CMIP: variants seen among roughly 807,000 people sequenced by gnomAD.
CMIP encodes the protein C-Maf-inducing protein.
In CMIP, 13 loss-of-function variants were observed where a neutral mutation model predicts 97.3. That is an observed-to-expected ratio of 0.13 (90% CI 0.09 to 0.21). The LOEUF (loss-of-function observed/expected upper bound fraction) is 0.21, where lower values mean the gene tolerates loss of function less well. Among genes scored for constraint, CMIP ranks in the 10% least tolerant of loss-of-function variants. The probability of loss-of-function intolerance (pLI) is 1.00; values close to 1 mark genes in which losing one functional copy is unlikely to be tolerated. For synonymous variants in CMIP, 538 were observed against 436.3 expected (o/e 1.23, Z -2.91); for missense variants, 847 against 1,024.9 (o/e 0.83, Z 2.37).
intron 1 of CMIP, among the ~76,000 whole-genome samples, chr16:81,475,581 T>A (rs1357702614): frequency 6.6e-6 from 1 of 152,086 alleles, no homozygotes; most frequent in Non-Finnish European, 1.5e-5. Flanking sequence ...GAACAAAACA[T>A]GGAACCCAAA....
intron 1 of CMIP, among the ~76,000 whole-genome samples, chr16:81,563,396 C>A (rs1192210248): frequency 6.6e-6 from 1 of 152,220 alleles, no homozygotes; most frequent in African/African-American, 2.4e-5. Flanking sequence ...GCTGCGGTTT[C>A]CTTCCTGGTA....
At chr16:81,590,826 TCCA>T (rs2091455595) in intron 1 of CMIP, among the ~76,000 whole-genome samples, 1 of 68,184 alleles carries the variant, frequency 1.5e-5, no homozygotes, top group African/African-American at 1.8e-4. Context: ...CTTTCTCTCA[TCCA>T]TCCATCCATC....
intron 1 of CMIP, among the ~76,000 whole-genome samples, chr16:81,446,529 T>G (rs953525347): frequency 6.6e-6 from 1 of 151,994 alleles, no homozygotes; most frequent in Non-Finnish European, 1.5e-5. Flanking sequence ...GCCTGAGGCT[T>G]GCCGTGGGGG....
intron 1 of CMIP, among the ~76,000 whole-genome samples, chr16:81,458,951 A>G (rs1906729344): frequency 6.6e-6 from 1 of 152,188 alleles, no homozygotes; most frequent in South Asian, 2.1e-4. Context: ...CATCATCATC[A>G]TCATGACCCC....
intron 9 of CMIP, 31 bp downstream of exon 9, chr16:81,672,101 G>A: frequency 7.3e-7 from 1 of 1,370,278 alleles, no homozygotes; most frequent in South Asian, 1.2e-5. Context: ...CACCCAGAGG[G>A]CTTGGGAGGG....
rs532176244 is a variant in CMIP at position 81,696,679 on chromosome 16, G to A, written c.1638+12G>A. 4 of 1,602,444 alleles carry A rather than the reference G, an allele frequency of 2.5e-6. No individual in the cohort carries two copies. Among genetic ancestry groups the A allele is most frequent in the African/African-American group, 1.3e-5 (1 of 75,012 alleles). On this transcript the variant is annotated intron_variant, in intron 14 of 20. Coordinates refer to ENST00000537098, the MANE Select transcript of CMIP (RefSeq NM_198390.3). ...TGTTCGCCAGCATGGTACGCAGTGG[G>A]ACCCCAGTGGGGTGACTTCCAGGGG... is the stretch of plus-strand genomic sequence containing the variant.
chr16:81,501,369 C>T (rs1485185229), intron 1 of CMIP, among the ~76,000 whole-genome samples: 1 of 152,242 alleles, frequency 6.6e-6, no homozygotes, highest in African/African-American at 2.4e-5. Context: ...GGACCTGAAG[C>T]CCCTCTTTGG....
At chr16:81,597,414 T>C (rs1315629104) in intron 1 of CMIP, among the ~76,000 whole-genome samples, 1 of 152,230 alleles carries the variant, frequency 6.6e-6, no homozygotes, top group East Asian at 1.9e-4. Context: ...GGTCTTGGTT[T>C]TCTTCCCAGC....
chr16:81,630,959 C>G (rs553115609), intron 3 of CMIP: 1 of 152,290 alleles, frequency 6.6e-6, no homozygotes, highest in African/African-American at 2.4e-5. Flanking sequence ...AATGGGAAAC[C>G]TTTTGGGGCC....
At position 81,614,914 on chromosome 16, in the gene CMIP, T is replaced by G. The variant is rs1268292327; in HGVS notation, c.427-5962T>G. ...GTGTGTGTCCTGTGTCTATATGTGGTGTGCATAGTGTGTATCTCTGTGTGT... is the reference window on the plus strand; with the variant it reads ...GTGTGTGTCCTGTGTCTATATGTGGGGTGCATAGTGTGTATCTCTGTGTGT... On this transcript the variant is annotated intron_variant, in intron 2 of 20. Coordinates refer to ENST00000537098, the MANE Select transcript of CMIP (RefSeq NM_198390.3). This position sits in a 1 kb window ranked among gnomAD's most constrained non-coding sequence, Gnocchi z 5.3. Among the ~76,000 whole-genome samples, 2 of 151,326 alleles carry G rather than the reference T, an allele frequency of 1.3e-5. No individual in the cohort carries two copies. The highest frequency in any genetic ancestry group is 4.9e-5 in the African/African-American group (2 of 41,122).
chr16:81,492,634 A>G (rs2150767794), intron 1 of CMIP, among the ~76,000 whole-genome samples: 1 of 151,972 alleles, frequency 6.6e-6, no homozygotes, highest in Middle Eastern at 3.4e-3. Flanking sequence ...GGGCCTGGGG[A>G]CAAAGGCGCC....
chr16:81,659,293 G>A lies in CMIP; in HGVS notation c.681+1477G>A, dbSNP rs182826225. 6.6e-5 allele frequency among the ~76,000 whole-genome samples: 10 copies of A among 152,306 alleles called. No individual in the cohort carries two copies. The East Asian group carries it at 1.9e-3, about 29-fold the overall frequency. On this transcript the variant is annotated intron_variant, in intron 5 of 20. Transcript: ENST00000537098. The stretch of plus-strand genomic sequence containing the variant: ...TGCCATTGAGGACTGAATGTGTGCT[G>A]AGAGAACCTGGCAGATCAACAGATA...
intron 12 of CMIP, 111 bp downstream of exon 12, chr16:81,693,295 A>T: frequency 1.4e-6 from 2 of 1,390,026 alleles, no homozygotes; most frequent in Non-Finnish European, 2.0e-6. Flanking sequence ...TCCTCTTGGC[A>T]GTTCTCTTGA....
chr16:81,706,079 A>G (rs1344734073), intron 19 of CMIP, among the ~76,000 whole-genome samples: 2 of 152,234 alleles, frequency 1.3e-5, no homozygotes. Context: ...AAGCCCTGTC[A>G]TAATAGAAGG....
intron 1 of CMIP, among the ~76,000 whole-genome samples, chr16:81,493,850 G>C (rs753020035): frequency 1.3e-5 from 2 of 152,226 alleles, no homozygotes; most frequent in African/African-American, 2.4e-5. Context: ...TGACCCACGT[G>C]GCTTCAGGGC....
intron 1 of CMIP, among the ~76,000 whole-genome samples, chr16:81,554,542 G>T (rs1368136605): frequency 1.3e-5 from 2 of 152,208 alleles, no homozygotes; most frequent in Admixed American, 6.5e-5. Flanking sequence ...TGCTTGAGAA[G>T]TTTGCAGAAT....
intron 1 of CMIP, among the ~76,000 whole-genome samples, chr16:81,557,713 C>T (rs996079587): frequency 3.9e-5 from 6 of 152,182 alleles, no homozygotes; most frequent in African/African-American, 1.4e-4. Flanking sequence ...CTACAATGAG[C>T]TATGATGTTG....
At chr16:81,450,056 C>T (rs946671866) in intron 1 of CMIP, among the ~76,000 whole-genome samples, 3 of 152,142 alleles carry the variant, frequency 2.0e-5, no homozygotes, top group Admixed American at 1.3e-4. Flanking sequence ...ATGTGGCGGC[C>T]CTGCCTGCTC....
At chr16:81,615,370 CTG>C (rs1219394236) in intron 2 of CMIP, among the ~76,000 whole-genome samples, 4 of 127,006 alleles carry the variant, frequency 3.1e-5, no homozygotes, top group Non-Finnish European at 3.2e-5. Context: ...GCATGTGTAA[CTG>C]TATGGTGTGT....
Sources: gnomAD v4.1 joint callset for allele counts (sites outside exome capture counted in the v4.1 genomes callset) on GRCh38, gnomAD v4.1.1 for gene constraint, Gnocchi (gnomAD v3.1) non-coding constraint, MANE v1.5 for transcripts, NCBI Gene and HGNC (gene_info 2026-07-23, HGNC 2026-07-21) for gene names.